PTPRQ: variants seen among roughly 807,000 people sequenced by gnomAD.
The protein encoded by PTPRQ is protein tyrosine phosphatase receptor type Q.
Under a neutral mutation model 246.0 loss-of-function variants are expected in PTPRQ, and 199 were observed. That is an observed-to-expected ratio of 0.81 (90% CI 0.72 to 0.91). The LOEUF (loss-of-function observed/expected upper bound fraction) is 0.91, where lower values mean the gene tolerates loss of function less well. PTPRQ is among the 40% of genes least tolerant of loss of function. PTPRQ has a pLI of 0.00. For missense variants in PTPRQ, 2,624 were observed against 2,528.4 expected, an observed-to-expected ratio of 1.04 and a Z score of -0.81; for synonymous variants, 869 against 853.2, an observed-to-expected ratio of 1.02 and a Z score of -0.32.
chr12:80,640,877 T>A (rs1899831212), intron 35 of PTPRQ, among the ~76,000 whole-genome samples: 1 of 152,218 alleles, frequency 6.6e-6, no homozygotes, highest in African/African-American at 2.4e-5. Flanking sequence ...TGCTGTGTTC[T>A]CATGTTGTGT....
chr12:80,604,616 A>G (rs1326907351), intron 26 of PTPRQ, among the ~76,000 whole-genome samples: 1 of 151,554 alleles, frequency 6.6e-6, no homozygotes, highest in Non-Finnish European at 1.5e-5. Context: ...GTAAAACAAT[A>G]TATGTATACT....
intron 17 of PTPRQ, among the ~76,000 whole-genome samples, chr12:80,524,055 G>C (rs368497946): frequency 7.2e-4 from 109 of 152,280 alleles, no homozygotes; most frequent in African/African-American, 2.6e-3. Context: ...CTCCTGTATT[G>C]AGTGCGTATA....
intron 8 of PTPRQ, among the ~76,000 whole-genome samples, chr12:80,477,670 G>A (rs960866834): frequency 7.9e-5 from 12 of 151,904 alleles, no homozygotes; most frequent in African/African-American, 1.7e-4. Flanking sequence ...GTGGGTGTGC[G>A]CACCGTGTGC....
chr12:80,664,293 C>T (rs1266486468), intron 39 of PTPRQ, among the ~76,000 whole-genome samples: 1 of 151,992 alleles, frequency 6.6e-6, no homozygotes, highest in Non-Finnish European at 1.5e-5. Context: ...CATCTGATAG[C>T]CTTGTTTATA....
In PTPRQ at chr12:80,670,324, T is replaced by C. The variant is rs1900928405; in HGVS notation, c.6454-20T>C. The C allele has an allele frequency of 3.2e-6, 5 of 1,548,068 alleles. No individual in the cohort carries two copies. The highest frequency in any genetic ancestry group is 4.4e-6 in the Non-Finnish European group (5 of 1,145,518). On this transcript the variant is annotated intron_variant, in intron 41 of 44. Coordinates refer to ENST00000644991, the MANE Select transcript of PTPRQ (RefSeq NM_001145026.2). The stretch of plus-strand genomic sequence containing the variant: ...GAACTTAAATAATTTTGTCATTCAT[T>C]AATCCGTCCCTTTGTCTAGCATGGG...
chr12:80,522,179 A>G (rs1056791420), intron 17 of PTPRQ, among the ~76,000 whole-genome samples: 3 of 152,150 alleles, frequency 2.0e-5, no homozygotes, highest in Non-Finnish European at 2.9e-5. Context: ...TTATTGGTAT[A>G]TAAGAATGCT....
chr12:80,655,465 C>T (rs1235233060), intron 38 of PTPRQ, among the ~76,000 whole-genome samples: 2 of 152,050 alleles, frequency 1.3e-5, no homozygotes, highest in Non-Finnish European at 2.9e-5. Flanking sequence ...GGCATTTAGG[C>T]TATGTCTGGA....
chr12:80,449,400 T>G (rs1033446215), intron 3 of PTPRQ, among the ~76,000 whole-genome samples: 32 of 152,346 alleles, frequency 2.1e-4, no homozygotes, highest in Admixed American at 1.8e-3. Flanking sequence ...TTTGTCAATT[T>G]TGTCTTTTGT....
intron 17 of PTPRQ, among the ~76,000 whole-genome samples, chr12:80,513,859 C>T (rs1404010242): frequency 6.6e-6 from 1 of 152,128 alleles, no homozygotes; most frequent in Non-Finnish European, 1.5e-5. Flanking sequence ...CCTCAGGTAG[C>T]TAGATACTCC....
Position 80,669,209 on chromosome 12 carries a change from A to G in PTPRQ, c.6327+68A>G, listed in dbSNP as rs905874023. 1.8e-5 allele frequency: 27 copies of G among 1,530,860 alleles called. No individual in the cohort carries two copies. In the Admixed American group the frequency reaches 3.6e-4, roughly 20 times the overall value. 94.8% of individuals were successfully genotyped at this position (1,530,860 alleles called of 1,614,324 possible). On this transcript the variant is annotated intron_variant, in intron 40 of 44. Transcript: ENST00000644991. Reference sequence around the variant, plus strand: ...GTGTTAACATATGTGTGAATATTTCATCTAATACTGTGAGTCATCAATAAC... The same window carrying G: ...GTGTTAACATATGTGTGAATATTTCGTCTAATACTGTGAGTCATCAATAAC...
In PTPRQ at chr12:80,539,825, C is replaced by G. The variant is rs1896097725; in HGVS notation, c.3035C>G (p.Ser1012Cys). Residue 1012 changes from serine (S) to cysteine (C), a missense_variant, in exon 20 of 45, where the codon TCC becomes TGC. Coordinates refer to ENST00000644991, the MANE Select transcript of PTPRQ (RefSeq NM_001145026.2). ...AATGACTTTGACAATATGACTGTATCCACAATTATAGATAAACTGACAATA... is the reference window on the plus strand; with the variant it reads ...AATGACTTTGACAATATGACTGTATGCACAATTATAGATAAACTGACAATA... ...VTNDFDNMTV[S>C]TIIDKLTIFS... 1.3e-6 allele frequency: 2 copies of G among 1,547,728 alleles called. No homozygotes were observed. The highest frequency in any genetic ancestry group is 4.0e-5 in the Admixed American group (2 of 50,342).
chr12:80,588,452 C>T lies in PTPRQ; in HGVS notation c.4609C>T (p.Pro1537Ser), dbSNP rs746711598. ...GATTTCTACAAAAACTCTGCCTGGC[C>T]GTGAGTATTGTCCTGACATGTACAT... Reference protein sequence around the residue: ...NWISTKTLPGPPDGPPENVHV... With the variant: ...NWISTKTLPGSPDGPPENVHV... The change falls in exon 26 of 45, where the codon CCT becomes TCT. Residue 1537 changes from proline (P) to serine (S), a missense_variant and splice_region_variant. By Grantham distance (74) the Pro-to-Ser change is moderately conservative. Coordinates refer to ENST00000644991, the MANE Select transcript of PTPRQ (RefSeq NM_001145026.2). The T allele has an allele frequency of 5.4e-6, 8 of 1,475,926 alleles. No homozygotes were observed. The highest frequency in any genetic ancestry group is 1.8e-4 in the Middle Eastern group (1 of 5,606). The allele number at this position is 1,475,926 out of a possible 1,614,324, so 91.4% of individuals were successfully genotyped here.
chr12:80,558,517 T>G (rs539192120), intron 25 of PTPRQ, among the ~76,000 whole-genome samples: 2 of 150,596 alleles, frequency 1.3e-5, no homozygotes, highest in Non-Finnish European at 3.0e-5. Context: ...ACAGTTCCCT[T>G]AACCATTCAC....
intron 25 of PTPRQ, among the ~76,000 whole-genome samples, chr12:80,569,886 T>A (rs1897093908): frequency 6.6e-6 from 1 of 152,184 alleles, no homozygotes; most frequent in African/African-American, 2.4e-5. Flanking sequence ...TCCAGCTTCA[T>A]CCATGTCCCT....
intron 39 of PTPRQ, among the ~76,000 whole-genome samples, 163 bp from the exon 40 acceptor site, chr12:80,668,844 T>C (rs1052936936): frequency 2.6e-5 from 4 of 151,862 alleles, no homozygotes; most frequent in African/African-American, 9.7e-5. Flanking sequence ...TGAGGATAAA[T>C]TTAGACGTTG....
chr12:80,452,902 A>G (rs1892819692), intron 3 of PTPRQ, among the ~76,000 whole-genome samples: 1 of 152,090 alleles, frequency 6.6e-6, no homozygotes, highest in Non-Finnish European at 1.5e-5. Context: ...CCTGAATGTG[A>G]ATGTTGACCT....
At chr12:80,510,149 A>T (rs188432163) in intron 16 of PTPRQ, among the ~76,000 whole-genome samples, 174 bp from the exon 17 acceptor site, 78 of 152,166 alleles carry the variant, frequency 5.1e-4, no homozygotes, top group African/African-American at 1.8e-3. Flanking sequence ...ACCATGCAAA[A>T]TCTTCCTTTA....
At chr12:80,675,556 A>T (rs906007254) in intron 43 of PTPRQ, among the ~76,000 whole-genome samples, 4 of 152,168 alleles carry the variant, frequency 2.6e-5, no homozygotes, top group East Asian at 1.9e-4. Flanking sequence ...AGGATAGAGG[A>T]TGGAACTGAC....
intron 25 of PTPRQ, among the ~76,000 whole-genome samples, chr12:80,570,138 G>C (rs1163293761): frequency 6.6e-6 from 1 of 151,990 alleles, no homozygotes; most frequent in Non-Finnish European, 1.5e-5. Flanking sequence ...TCTAGTTCTA[G>C]ATCCTTGAGG....
Sources: gnomAD v4.1 joint callset for allele counts (sites outside exome capture counted in the v4.1 genomes callset) on GRCh38, gnomAD v4.1.1 for gene constraint, MANE v1.5 for transcripts, NCBI Gene and HGNC (gene_info 2026-07-23, HGNC 2026-07-21) for gene names.